Variants in PRDM5 observed in about 807,000 individuals in gnomAD.
The protein encoded by PRDM5 is PR/SET domain 5.
Under a neutral mutation model 81.2 loss-of-function variants are expected in PRDM5, and 56 were observed. That is an observed-to-expected ratio of 0.69 (90% CI 0.56 to 0.86). The LOEUF (loss-of-function observed/expected upper bound fraction) is 0.86, where lower values mean the gene tolerates loss of function less well. Among genes scored for constraint, PRDM5 ranks in the 40% least tolerant of loss-of-function variants. The pLI, the probability that PRDM5 is intolerant of heterozygous loss-of-function variation, is 0.00. For missense variants in PRDM5, 697 were observed against 770.1 expected, an observed-to-expected ratio of 0.91 and a Z score of 1.12; for synonymous variants, 267 against 256.4, an observed-to-expected ratio of 1.04 and a Z score of -0.39.
intron 3 of PRDM5, chr4:120,838,898 G>C (rs551874377): frequency 3.0e-6 from 1 of 333,238 alleles, no homozygotes; most frequent in African/African-American, 2.0e-5. Flanking sequence ...CAAGGGGTGT[G>C]AGAGTGAGTG....
chr4:120,881,647 T>C (rs1444299866), intron 2 of PRDM5, among the ~76,000 whole-genome samples: 1 of 152,196 alleles, frequency 6.6e-6, no homozygotes, highest in Admixed American at 6.5e-5. Context: ...AGTTCATTTA[T>C]TTAGGCCATG....
intron 14 of PRDM5, among the ~76,000 whole-genome samples, chr4:120,741,207 G>A (rs1029425465): frequency 3.3e-5 from 5 of 152,036 alleles, no homozygotes; most frequent in African/African-American, 9.7e-5. Flanking sequence ...CTCAACCAAC[G>A]CTGCATATCC....
chr4:120,839,173 CCTT>C (rs1757702269), intron 3 of PRDM5: 4 of 697,588 alleles, frequency 5.7e-6, no homozygotes, highest in Non-Finnish European at 1.0e-5. Flanking sequence ...GCTCTTCTCT[CCTT>C]CTCTTCACTC....
chr4:120,734,230 G>C (rs1013852851), intron 14 of PRDM5, among the ~76,000 whole-genome samples: 5 of 151,150 alleles, frequency 3.3e-5, no homozygotes, highest in African/African-American at 9.7e-5. Context: ...CCGCTGTAGG[G>C]GATGGGGGAG....
chr4:120,807,519 T>C (rs539252216), intron 8 of PRDM5, among the ~76,000 whole-genome samples: 10 of 152,322 alleles, frequency 6.6e-5, no homozygotes, highest in Non-Finnish European at 1.5e-4. Flanking sequence ...CACCATGGAA[T>C]ACTACACAGC....
chr4:120,897,432 T>C (rs1032573685), intron 2 of PRDM5, among the ~76,000 whole-genome samples: 3 of 152,178 alleles, frequency 2.0e-5, no homozygotes, highest in East Asian at 1.9e-4. Context: ...AAGATATCTG[T>C]AGGTGTAACC....
intron 13 of PRDM5, among the ~76,000 whole-genome samples, chr4:120,765,210 C>T (rs1459602406): frequency 6.6e-6 from 1 of 151,918 alleles, no homozygotes; most frequent in African/African-American, 2.4e-5. Flanking sequence ...GGTATTTATC[C>T]AAAAAATTAC....
At chr4:120,750,803 G>C (rs957588517) in intron 14 of PRDM5, among the ~76,000 whole-genome samples, 1 of 151,876 alleles carries the variant, frequency 6.6e-6, no homozygotes, top group African/African-American at 2.4e-5. Flanking sequence ...ATTATCAAGA[G>C]ATAGAATAGT....
At chr4:120,815,519 A>C (rs1754370159) in intron 7 of PRDM5, among the ~76,000 whole-genome samples, 1 of 152,242 alleles carries the variant, frequency 6.6e-6, no homozygotes, top group African/African-American at 2.4e-5. Context: ...TATTATTATT[A>C]AAGTGAATAC....
intron 13 of PRDM5, among the ~76,000 whole-genome samples, chr4:120,757,833 CTT>C (rs1019934377): frequency 2.0e-5 from 3 of 151,916 alleles, no homozygotes; most frequent in Non-Finnish European, 4.4e-5. Flanking sequence ...AATTCTCTCT[CTT>C]TCTCTCCTCC....
Position 120,784,997 on chromosome 4 carries a change from C to T in PRDM5, c.1282+1G>A. The T allele has an allele frequency of 1.3e-6, 2 of 1,584,416 alleles. No individual in the cohort carries two copies. The highest frequency in any genetic ancestry group is 1.7e-6 in the Non-Finnish European group (2 of 1,153,144). Reference sequence around the variant, plus strand: ...TCTCAACTGCCTGAATCGTGACTTACTGTTATGTATTAGCAGGTGTCTCTG... The same window carrying T: ...TCTCAACTGCCTGAATCGTGACTTATTGTTATGTATTAGCAGGTGTCTCTG... On this transcript the variant is annotated splice_donor_variant, in intron 11 of 15. Transcript: ENST00000264808. LOFTEE classifies it high-confidence loss of function.
At chr4:120,755,919 G>GT (rs1744670450) in intron 13 of PRDM5, among the ~76,000 whole-genome samples, 1 of 152,150 alleles carries the variant, frequency 6.6e-6, no homozygotes, top group African/African-American at 2.4e-5. Context: ...ACCAGGCACT[G>GT]TAAAATGGTG....
chr4:120,734,742 T>C (rs1740855028), intron 14 of PRDM5, among the ~76,000 whole-genome samples: 1 of 152,214 alleles, frequency 6.6e-6, no homozygotes, highest in South Asian at 2.1e-4. Context: ...CCATTCCACA[T>C]AGATGTCTCC....
At chr4:120,884,084 T>G (rs1289153170) in intron 2 of PRDM5, among the ~76,000 whole-genome samples, 1 of 152,182 alleles carries the variant, frequency 6.6e-6, no homozygotes, top group Non-Finnish European at 1.5e-5. Flanking sequence ...AATCTCTTCA[T>G]GACCACATAT....
chr4:120,734,446 A>ACACACACACACACACACACACACC (rs941793836), intron 14 of PRDM5, among the ~76,000 whole-genome samples: 12 of 151,144 alleles, frequency 7.9e-5, no homozygotes, highest in African/African-American at 2.9e-4. Context: ...ACACACACAC[A>ACACACACACACACACACACACACC]CCCTTACTCA....
At position 120,726,043 on chromosome 4, in the gene PRDM5, C is replaced by T. The variant is rs564832199; in HGVS notation, c.1624-15630G>A. Among the ~76,000 whole-genome samples the T allele has an allele frequency of 2.6e-5, 4 of 152,254 alleles. No homozygotes were observed. In the East Asian group the frequency reaches 7.7e-4, roughly 29 times the overall value. On this transcript the variant is annotated intron_variant, in intron 14 of 15. Transcript: ENST00000264808. ...CCCCACTGCGAAGAGTGGCTGCTCACCCGAGTGGGCACAAGGTAGAGTGCT... is the reference window on the plus strand; with the variant it reads ...CCCCACTGCGAAGAGTGGCTGCTCATCCGAGTGGGCACAAGGTAGAGTGCT...
intron 13 of PRDM5, among the ~76,000 whole-genome samples, chr4:120,767,004 C>T (rs537641821): frequency 2.0e-5 from 3 of 151,932 alleles, no homozygotes; most frequent in South Asian, 4.2e-4. Flanking sequence ...GGTGGTAATG[C>T]GAACAAGGGG....
chr4:120,920,586 T>C (rs1386875228), intron 1 of PRDM5, among the ~76,000 whole-genome samples: 1 of 152,228 alleles, frequency 6.6e-6, no homozygotes, highest in Non-Finnish European at 1.5e-5. Context: ...TAGCTTTGTC[T>C]TCGTCCTCAG....
At chr4:120,759,008 A>G (rs920938877) in intron 13 of PRDM5, among the ~76,000 whole-genome samples, 1 of 151,656 alleles carries the variant, frequency 6.6e-6, no homozygotes, top group African/African-American at 2.4e-5. Flanking sequence ...ACCCACCTCA[A>G]CCACCCAAAG....
Sources: gnomAD v4.1 joint callset for allele counts (sites outside exome capture counted in the v4.1 genomes callset) on GRCh38, gnomAD v4.1.1 for gene constraint, MANE v1.5 for transcripts, NCBI Gene and HGNC (gene_info 2026-07-23, HGNC 2026-07-21) for gene names.